DUSP16: variants seen among roughly 807,000 people sequenced by gnomAD.
DUSP16 encodes the protein dual specificity protein phosphatase 16.
A neutral mutation model predicts 58.3 loss-of-function variants in DUSP16; 21 were observed. That is an observed-to-expected ratio of 0.36 (90% CI 0.26 to 0.52). DUSP16 has a LOEUF of 0.52. DUSP16 is among the 20% of genes least tolerant of loss of function. DUSP16 has a pLI of 0.94. For synonymous variants in DUSP16, 320 were observed against 323.8 expected, an observed-to-expected ratio of 0.99 and a Z score of 0.12; for missense variants, 726 against 819.0, an observed-to-expected ratio of 0.89 and a Z score of 1.39.
At chr12:12,484,175 G>T (rs1943633805) in intron 5 of DUSP16, among the ~76,000 whole-genome samples, 1 of 151,930 alleles carries the variant, frequency 6.6e-6, no homozygotes. Context: ...AGCAATTGTA[G>T]TGAATATGGG....
chr12:12,477,365 G>A lies in DUSP16; in HGVS notation c.1466C>T (p.Thr489Ile). 6.2e-7 allele frequency: 1 copy of A among 1,614,090 alleles called. No homozygotes were observed. The highest frequency in any genetic ancestry group is 1.1e-5 in the South Asian group (1 of 91,078). ...SQSKRLHSVRTSSSGTAQRSL... is the reference protein window; with the variant it reads ...SQSKRLHSVRISSSGTAQRSL... ...CCTCTGGGCGGTGCCACTGCTGCTG[G>A]TTCTGACCGAATGCAATCGCTTGCT... Residue 489 changes from threonine (T) to isoleucine (I), a missense_variant, in exon 7 of 7, where the codon ACC becomes ATC. Physicochemically the swap from Thr to Ile is moderately conservative, Grantham distance 89. Transcript: ENST00000298573. The surrounding 1 kb of genome is among the most constrained non-coding windows in gnomAD (Gnocchi z 4.1).
At position 12,474,671 on chromosome 12, in the gene DUSP16, G is replaced by A. The variant is rs1467783287; in HGVS notation, c.*2162C>T. On this transcript the variant is annotated 3_prime_UTR_variant, in exon 7 of 7. Transcript: ENST00000298573. ...ACTACATCACAGTTCCAGAAGGAAGGGGGACCATGGCCAAGAGAAGCCCTA... is the reference window on the plus strand; with the variant it reads ...ACTACATCACAGTTCCAGAAGGAAGAGGGACCATGGCCAAGAGAAGCCCTA... 2 of 2,520 alleles carry A rather than the reference G, an allele frequency of 7.9e-4. No homozygotes were observed. Among genetic ancestry groups the A allele is most frequent in the Non-Finnish European group, 0.017 (1 of 58 alleles). The allele number at this position is 2,520 out of a possible 1,614,324, so 0.2% of individuals were successfully genotyped here. A position where few individuals can be genotyped will look rare whatever the true frequency, so the allele number is the denominator to read the frequency against.
At chr12:12,520,235 C>T (rs1944212660) in intron 2 of DUSP16, among the ~76,000 whole-genome samples, 1 of 152,162 alleles carries the variant, frequency 6.6e-6, no homozygotes, top group South Asian at 2.1e-4. Context: ...GGTTTTAAAT[C>T]CTTTATACTA....
At chr12:12,516,332 C>T (rs1944153601) in intron 3 of DUSP16, among the ~76,000 whole-genome samples, 1 of 152,156 alleles carries the variant, frequency 6.6e-6, no homozygotes, top group Admixed American at 6.5e-5. Context: ...CTTTAATCCA[C>T]TGGGAGTGAA....
At chr12:12,498,399 A>AT (rs1555165162) in intron 4 of DUSP16, among the ~76,000 whole-genome samples, 1 of 146,668 alleles carries the variant, frequency 6.8e-6, no homozygotes, top group Non-Finnish European at 1.5e-5. Context: ...TTTATTTTTT[A>AT]TTATTTATTT....
intron 1 of DUSP16, among the ~76,000 whole-genome samples, chr12:12,538,847 T>C (rs1470362660): frequency 6.6e-6 from 1 of 152,208 alleles, no homozygotes; most frequent in Non-Finnish European, 1.5e-5. Flanking sequence ...TAATAAAATA[T>C]AAAGCATGTA....
Position 12,504,409 on chromosome 12 carries a change from A to G in DUSP16, c.368-3727T>C, listed in dbSNP as rs143638035. 1.5e-3 allele frequency among the ~76,000 whole-genome samples: 229 copies of G among 152,026 alleles called. 1 individual carries two copies. The highest frequency in any genetic ancestry group is 4.8e-3 in the African/African-American group (200 of 41,462). On this transcript the variant is annotated intron_variant, in intron 3 of 6. Transcript: ENST00000298573. ...CCCGAGTAGCCAGGGCTACAGGGGA[A>G]CACCACCACGCCCAGCTAATTTTTG...
intron 4 of DUSP16, among the ~76,000 whole-genome samples, chr12:12,493,978 G>A (rs1314657074): frequency 6.6e-6 from 1 of 152,146 alleles, no homozygotes; most frequent in Admixed American, 6.5e-5. Context: ...TGTACCCCCA[G>A]CACCTAGAAC....
intron 1 of DUSP16, among the ~76,000 whole-genome samples, chr12:12,537,797 A>C (rs1944490848): frequency 6.6e-6 from 1 of 152,240 alleles, no homozygotes; most frequent in African/African-American, 2.4e-5. Flanking sequence ...CTCTAAGTAG[A>C]ACACGATAAT....
At chr12:12,555,306 A>G (rs1280784275) in intron 1 of DUSP16, among the ~76,000 whole-genome samples, 1 of 152,212 alleles carries the variant, frequency 6.6e-6, no homozygotes, top group East Asian at 1.9e-4. Flanking sequence ...CCAAGACTAT[A>G]AGTCAACCCC....
chr12:12,555,954 T>C (rs1006715735), intron 1 of DUSP16, among the ~76,000 whole-genome samples: 7 of 151,984 alleles, frequency 4.6e-5, no homozygotes, highest in African/African-American at 1.7e-4. Context: ...GGTGGGAGAA[T>C]CCCTTGAACC....
chr12:12,538,188 C>T (rs1207003815), intron 1 of DUSP16, among the ~76,000 whole-genome samples: 2 of 152,202 alleles, frequency 1.3e-5, no homozygotes, highest in Admixed American at 6.5e-5. Context: ...ATCCTAAAGA[C>T]ATCTTTGGTC....
At chr12:12,478,060 CT>C (rs1367810866) in intron 6 of DUSP16, 45 bp from the exon 7 acceptor site, 1 of 1,417,162 alleles carries the variant, frequency 7.1e-7, no homozygotes, top group African/African-American at 1.4e-5. Flanking sequence ...TACAACTACA[CT>C]TTATCTTAAG....
intron 1 of DUSP16, among the ~76,000 whole-genome samples, chr12:12,536,013 A>G (rs1044345908): frequency 5.9e-5 from 9 of 152,250 alleles, no homozygotes; most frequent in Non-Finnish European, 1.2e-4. Flanking sequence ...TGAAAATAAC[A>G]TAAGAACACT....
chr12:12,562,540 A>C lies in DUSP16; in HGVS notation c.-789T>G. Among the ~76,000 whole-genome samples the C allele has an allele frequency of 8.5e-6, 1 of 117,708 alleles. No homozygotes were observed. Among genetic ancestry groups the C allele is most frequent in the African/African-American group, 3.2e-5 (1 of 30,862 alleles). 77.2% of individuals were successfully genotyped at this position (117,708 alleles called of 152,430 possible). A position where few individuals can be genotyped will look rare whatever the true frequency, so the allele number is the denominator to read the frequency against. On this transcript the variant is annotated 5_prime_UTR_variant, in exon 1 of 7. Coordinates refer to ENST00000298573, the MANE Select transcript of DUSP16 (RefSeq NM_030640.3). ...TGATTAAAGCCCCCCAAACACTGATACATAGAAAGAGGGGGAAAGGCGGGG... is the reference window on the plus strand; with the variant it reads ...TGATTAAAGCCCCCCAAACACTGATCCATAGAAAGAGGGGGAAAGGCGGGG...
intron 1 of DUSP16, among the ~76,000 whole-genome samples, chr12:12,532,026 C>T (rs1428880331): frequency 4.6e-5 from 7 of 151,970 alleles, no homozygotes; most frequent in African/African-American, 1.2e-4. Context: ...GGCGCGGTGG[C>T]GGGCGCCTGT....
intron 1 of DUSP16, among the ~76,000 whole-genome samples, chr12:12,523,684 T>TA (rs1356293132): frequency 1.3e-5 from 2 of 152,240 alleles, no homozygotes; most frequent in Non-Finnish European, 2.9e-5. Context: ...AATCCACTAA[T>TA]AAACTTCTGC....
Position 12,537,076 on chromosome 12 carries a change from T to C in DUSP16, c.-365-15613A>G, listed in dbSNP as rs535587709. Among the ~76,000 whole-genome samples, 19 of 152,260 alleles carry C rather than the reference T, an allele frequency of 1.2e-4. No homozygotes were observed. In the South Asian group the frequency reaches 3.5e-3, roughly 28 times the overall value. On this transcript the variant is annotated intron_variant, in intron 1 of 6. Coordinates refer to ENST00000298573, the MANE Select transcript of DUSP16 (RefSeq NM_030640.3). ...CAGGCTGAAATAAAAGGCTGAAAAA[T>C]AGGTAGACTCTGAAGGTTGACATTT...
At chr12:12,486,446 C>T (rs1010592623) in intron 5 of DUSP16, among the ~76,000 whole-genome samples, 7 of 151,228 alleles carry the variant, frequency 4.6e-5, no homozygotes, top group Admixed American at 1.3e-4. Flanking sequence ...GATGAGATCC[C>T]GTCAAGACCA....
Sources: allele counts gnomAD v4.1 joint callset (sites outside exome capture counted in the v4.1 genomes callset), GRCh38; gene constraint gnomAD v4.1.1; non-coding constraint Gnocchi (gnomAD v3.1); transcripts MANE v1.5; gene names NCBI Gene and HGNC (gene_info 2026-07-23, HGNC 2026-07-21).